NAV3: variants seen among roughly 807,000 people sequenced by gnomAD.
The protein encoded by NAV3 is pore membrane and/or filament interacting like protein 1.
A neutral mutation model predicts 244.7 loss-of-function variants in NAV3; 87 were observed. The ratio of observed to expected loss-of-function variants is 0.36; its 90% confidence interval spans 0.30 to 0.42. NAV3 has a LOEUF of 0.42. Ranked by LOEUF, NAV3 falls within the 20% of genes least tolerant of loss-of-function variation. The probability of loss-of-function intolerance (pLI) is 1.00; values close to 1 mark genes in which losing one functional copy is unlikely to be tolerated. For missense variants in NAV3, 2,663 were observed against 2,893.3 expected, an observed-to-expected ratio of 0.92 and a Z score of 1.83; for synonymous variants, 1,126 against 1,042.2, an observed-to-expected ratio of 1.08 and a Z score of -1.55.
chr12:77,984,478 C>CT (rs1870118801), intron 5 of NAV3, among the ~76,000 whole-genome samples: 1 of 52,316 alleles, frequency 1.9e-5, no homozygotes, highest in African/African-American at 8.8e-5. Flanking sequence ...GTCAAGTATG[C>CT]ATTTTTTTTT....
chr12:77,774,933 G>A (rs11106659), intron 2 of NAV3, among the ~76,000 whole-genome samples: 57,164 of 152,016 alleles, frequency 0.38, 12,001 homozygotes, highest in East Asian at 0.5. Context: ...TCATAGTGTC[G>A]TCCCATGAGG....
At chr12:77,956,979 G>A (rs979065165) in intron 3 of NAV3, among the ~76,000 whole-genome samples, 2 of 152,066 alleles carry the variant, frequency 1.3e-5, no homozygotes, top group African/African-American at 4.8e-5. Flanking sequence ...CTGACCTCAG[G>A]TGATCTGCCC....
chr12:77,991,892 G>A (rs1407750612), intron 5 of NAV3, among the ~76,000 whole-genome samples: 3 of 152,192 alleles, frequency 2.0e-5, no homozygotes, highest in South Asian at 2.1e-4. Flanking sequence ...GTAGCCAGAT[G>A]TGGTGGCGGG....
intron 2 of NAV3, among the ~76,000 whole-genome samples, chr12:77,713,180 A>G (rs1367043565): frequency 6.6e-6 from 1 of 152,218 alleles, no homozygotes; most frequent in African/African-American, 2.4e-5. Context: ...ACATTTATTT[A>G]GGTGTGAAAA....
At chr12:78,124,169 A>G (rs1045825968) in intron 16 of NAV3, among the ~76,000 whole-genome samples, 8 of 152,212 alleles carry the variant, frequency 5.3e-5, no homozygotes, top group Non-Finnish European at 1.0e-4. Flanking sequence ...CTATTTCTTC[A>G]GCATTTAGAC....
chr12:77,993,559 G>A (rs1871809595), intron 5 of NAV3, among the ~76,000 whole-genome samples: 1 of 152,100 alleles, frequency 6.6e-6, no homozygotes, highest in Non-Finnish European at 1.5e-5. Flanking sequence ...TGTGCTCTGT[G>A]AATCTGAAAA....
upstream of NAV3, among the ~76,000 whole-genome samples, chr12:77,830,214 A>T (rs955731298): frequency 1.3e-5 from 2 of 152,206 alleles, no homozygotes; most frequent in Non-Finnish European, 2.9e-5. Context: ...CTGTTTGGAC[A>T]GTTTTTAGAA....
At position 77,857,316 on chromosome 12, in the gene NAV3, T is replaced by G. The variant is rs12316488; in HGVS notation, c.243+25612T>G. Among the ~76,000 whole-genome samples, 775 of 152,198 alleles carry G rather than the reference T, an allele frequency of 5.1e-3. 8 individuals carry two copies. The highest frequency in any genetic ancestry group is 0.018 in the African/African-American group (741 of 41,566). The stretch of plus-strand genomic sequence containing the variant: ...TGCCTGGAATAGCATGCATCTTTAA[T>G]AAATGATAGCTATCATATATTCCAA... On this transcript the variant is annotated intron_variant, in intron 1 of 39. Transcript: ENST00000397909.
chr12:77,587,942 GAC>G (rs1336454526), intron 2 of NAV3, among the ~76,000 whole-genome samples: 2 of 152,238 alleles, frequency 1.3e-5, no homozygotes, highest in East Asian at 3.9e-4. Flanking sequence ...TGTGATCAAA[GAC>G]ACATATATAA....
chr12:78,054,562 A>G lies in NAV3; in HGVS notation c.2516+3415A>G, dbSNP rs567231303. ...ATTCAGGGGAGAAACTCGGGGGTTC[A>G]ATTTCAGGAACTAGTGCAAGAGCTC... On this transcript the variant is annotated intron_variant, in intron 11 of 39. Transcript: ENST00000397909. Among the ~76,000 whole-genome samples the G allele has an allele frequency of 2.0e-5, 3 of 152,332 alleles. No homozygotes were observed. In the South Asian group the frequency reaches 6.2e-4, roughly 32 times the overall value.
chr12:77,753,603 A>G (rs1387554897), intron 2 of NAV3, among the ~76,000 whole-genome samples: 2 of 152,214 alleles, frequency 1.3e-5, no homozygotes, highest in African/African-American at 2.4e-5. Flanking sequence ...TGATGATAGC[A>G]TTAAAAATGA....
intron 2 of NAV3, among the ~76,000 whole-genome samples, chr12:77,606,858 G>A (rs184044743): frequency 3.8e-4 from 58 of 152,194 alleles, no homozygotes; most frequent in Admixed American, 1.2e-3. Flanking sequence ...GAACAGTCTT[G>A]AAACCCACTT....
At chr12:78,206,854 C>CTTTTTTTTTTTTTTTTTTTTTTTTT (rs10594185) in intron 39 of NAV3, among the ~76,000 whole-genome samples, 4 of 114,840 alleles carry the variant, frequency 3.5e-5, no homozygotes, top group Non-Finnish European at 5.3e-5. Context: ...TTCTTTCTTA[C>CTTTTTTTTTTTTTTTTTTTTTTTTT]TTTTTTTTTT....
At chr12:78,047,597 C>A (rs573541530) in intron 9 of NAV3, among the ~76,000 whole-genome samples, 19 of 152,284 alleles carry the variant, frequency 1.2e-4, no homozygotes, top group Non-Finnish European at 2.2e-4. Flanking sequence ...TGATGGGCTT[C>A]CCTTTGTGGG....
chr12:78,089,966 T>G (rs181920015), intron 12 of NAV3, among the ~76,000 whole-genome samples: 4 of 152,274 alleles, frequency 2.6e-5, no homozygotes, highest in Admixed American at 2.6e-4. Context: ...ATTTAAGCTC[T>G]TTCTCTTCTA....
intron 1 of NAV3, among the ~76,000 whole-genome samples, chr12:77,895,848 A>G (rs1884548447): frequency 6.6e-6 from 1 of 150,730 alleles, no homozygotes; most frequent in Non-Finnish European, 1.5e-5. Context: ...CTTTTCAAAG[A>G]ACTCATATAA....
chr12:77,777,808 T>TA (rs894864009), intron 2 of NAV3, among the ~76,000 whole-genome samples: 14 of 59,746 alleles, frequency 2.3e-4, no homozygotes, highest in African/African-American at 5.1e-4. Flanking sequence ...TTTTTTTTTC[T>TA]TTTTTCTTTT....
At position 77,882,959 on chromosome 12, in the gene NAV3, A is replaced by G. The variant is rs191882500; in HGVS notation, c.243+51255A>G. Reference sequence around the variant, plus strand: ...GTGCTAGGCTAGTGAGGCAGCAGAGAAAAGGAAATGCTTATACACTGTTGG... The same window carrying G: ...GTGCTAGGCTAGTGAGGCAGCAGAGGAAAGGAAATGCTTATACACTGTTGG... On this transcript the variant is annotated intron_variant, in intron 1 of 39. Coordinates refer to ENST00000397909, the MANE Select transcript of NAV3 (RefSeq NM_001024383.2). 1.6e-3 allele frequency among the ~76,000 whole-genome samples: 249 copies of G among 152,262 alleles called. 1 individual carries two copies. The highest frequency in any genetic ancestry group is 5.8e-3 in the African/African-American group (239 of 41,564).
intron 2 of NAV3, among the ~76,000 whole-genome samples, chr12:77,754,187 C>T (rs764235642): frequency 6.6e-6 from 1 of 152,058 alleles, no homozygotes; most frequent in African/African-American, 2.4e-5. Context: ...CCATTTAGAG[C>T]TCCGATTTTG....
Sources: allele counts gnomAD v4.1 joint callset (sites outside exome capture counted in the v4.1 genomes callset), GRCh38; gene constraint gnomAD v4.1.1; transcripts MANE v1.5; gene names NCBI Gene and HGNC (gene_info 2026-07-23, HGNC 2026-07-21).